KALRN: variants seen among roughly 807,000 people sequenced by gnomAD.
KALRN encodes kalirin RhoGEF kinase.
In KALRN, 70 loss-of-function variants were observed where a neutral mutation model predicts 353.7. The ratio of observed to expected loss-of-function variants is 0.20; its 90% CI spans 0.16 to 0.24. The LOEUF (loss-of-function observed/expected upper bound fraction) is 0.24, where lower values mean the gene tolerates loss of function less well. Among genes scored for constraint, KALRN ranks in the 10% least tolerant of loss-of-function variants. KALRN has a pLI of 1.00. For synonymous variants in KALRN, 1,391 were observed against 1,434.8 expected (o/e 0.97, Z 0.69); for missense variants, 2,791 against 3,756.7 (o/e 0.74, Z 6.72).
chr3:124,285,697 G>A (rs1481251761), intron 5 of KALRN, among the ~76,000 whole-genome samples: 6 of 151,968 alleles, frequency 3.9e-5, no homozygotes, highest in African/African-American at 1.4e-4. Context: ...CACCATGCCT[G>A]GCTAATTTTT....
rs79451799 is a variant in KALRN at position 124,386,575 on chromosome 3, G to A, written c.1962+1539G>A. Among the ~76,000 whole-genome samples the A allele has an allele frequency of 0.011, 1,723 of 152,178 alleles. 58 individuals are homozygous for A. In the East Asian group the frequency reaches 0.12, roughly 11 times the overall value. ...ATTCTGCTGCTAAAGAACCATATGA[G>A]CTTGTGCAAGTCACTATGTCCCTGG... On this transcript the variant is annotated intron_variant, in intron 11 of 59. Transcript: ENST00000682506.
At chr3:124,692,828 A>G (rs894370724) in intron 51 of KALRN, among the ~76,000 whole-genome samples, 13 of 152,262 alleles carry the variant, frequency 8.5e-5, no homozygotes, top group African/African-American at 2.9e-4. Flanking sequence ...TAAACAAAAC[A>G]GATGACCTCA....
intron 1 of KALRN, among the ~76,000 whole-genome samples, chr3:124,131,733 C>T (rs563262328): frequency 1.6e-4 from 25 of 152,258 alleles, no homozygotes; most frequent in Admixed American, 4.6e-4. Context: ...GCCGGGAGGT[C>T]AGCATCACAT....
In KALRN at chr3:124,218,512, A is replaced by G. The variant is rs2077565774; in HGVS notation, c.74-9478A>G. ...CTCTGTTACTTTGAGGACCCATCCA[A>G]CAGCAGTGCTTAAAGTAACAAAAAA... On this transcript the variant is annotated intron_variant, in intron 1 of 59. Coordinates refer to ENST00000682506, the MANE Select transcript of KALRN (RefSeq NM_001388419.1). 2.0e-5 allele frequency among the ~76,000 whole-genome samples: 3 copies of G among 152,338 alleles called. No individual in the cohort carries two copies. The South Asian group carries it at 6.2e-4, about 32-fold the overall frequency.
At chr3:124,204,454 T>G (rs1231749311) in intron 1 of KALRN, among the ~76,000 whole-genome samples, 3 of 152,220 alleles carry the variant, frequency 2.0e-5, no homozygotes, top group African/African-American at 4.8e-5. Flanking sequence ...GTGTTTACTT[T>G]AAAAGAAAAA....
chr3:124,601,688 A>G (rs2076820523), intron 34 of KALRN, among the ~76,000 whole-genome samples: 2 of 149,976 alleles, frequency 1.3e-5, no homozygotes, highest in Admixed American at 6.7e-5. Flanking sequence ...TTTAGTTTCT[A>G]CCATTATCTG....
At chr3:124,138,701 A>C (rs2066247658) in intron 1 of KALRN, among the ~76,000 whole-genome samples, 1 of 152,154 alleles carries the variant, frequency 6.6e-6, no homozygotes, top group African/African-American at 2.4e-5. Flanking sequence ...TTCATAGATC[A>C]GTCATCAGCA....
chr3:124,112,879 GTATCTACATGTACT>G (rs1405320533), intron 1 of KALRN, among the ~76,000 whole-genome samples: 2 of 152,046 alleles, frequency 1.3e-5, no homozygotes, highest in East Asian at 1.9e-4. Context: ...AATTGAAAGT[GTATCTACATGTACT>G]TGTAGATATA....
chr3:124,088,574 C>G (rs2060944566), intron 1 of KALRN, among the ~76,000 whole-genome samples: 1 of 152,146 alleles, frequency 6.6e-6, no homozygotes, highest in Non-Finnish European at 1.5e-5. Flanking sequence ...GAAGTATCCA[C>G]TATGTATTAA....
intron 34 of KALRN, among the ~76,000 whole-genome samples, chr3:124,575,878 A>G (rs2074039454): frequency 6.6e-6 from 1 of 152,124 alleles, no homozygotes; most frequent in Non-Finnish European, 1.5e-5. Context: ...ACAGAATCAC[A>G]TTTGCACAGT....
chr3:124,631,263 A>G (rs1208187702), intron 34 of KALRN, among the ~76,000 whole-genome samples: 2 of 151,904 alleles, frequency 1.3e-5, no homozygotes, highest in South Asian at 2.1e-4. Context: ...ATGGCTTCCA[A>G]CCCCATCTCT....
intron 5 of KALRN, among the ~76,000 whole-genome samples, chr3:124,277,651 A>C (rs2074892276): frequency 6.6e-6 from 1 of 151,956 alleles, no homozygotes; most frequent in South Asian, 2.1e-4. Flanking sequence ...TTTCAGCCCC[A>C]TTTGTATCCT....
chr3:124,671,648 C>A lies in KALRN; in HGVS notation c.6704-12C>A. On this transcript the variant is annotated splice_polypyrimidine_tract_variant and intron_variant, in intron 47 of 59. Coordinates refer to ENST00000682506, the MANE Select transcript of KALRN (RefSeq NM_001388419.1). Reference sequence around the variant, plus strand: ...CCAAAGCTTAGAGTAACCACCTGCTCTTATCCCACAGCACTGCAATCGCCC... The same window carrying A: ...CCAAAGCTTAGAGTAACCACCTGCTATTATCCCACAGCACTGCAATCGCCC... The A allele has an allele frequency of 6.3e-7, 1 of 1,594,962 alleles. No individual in the cohort carries two copies.
At chr3:124,116,034 A>G (rs1490859145) in intron 1 of KALRN, among the ~76,000 whole-genome samples, 1 of 152,248 alleles carries the variant, frequency 6.6e-6, no homozygotes, top group African/African-American at 2.4e-5. Context: ...GTGCATATTT[A>G]TCTTACAGTG....
rs140843677 is a variant in KALRN at position 124,122,157 on chromosome 3, T to A, written c.73+88344T>A. Among the ~76,000 whole-genome samples, 4 of 152,258 alleles carry A rather than the reference T, an allele frequency of 2.6e-5. No homozygotes were observed. The East Asian group carries it at 7.7e-4, about 29-fold the overall frequency. On this transcript the variant is annotated intron_variant, in intron 1 of 59. Coordinates refer to ENST00000682506, the MANE Select transcript of KALRN (RefSeq NM_001388419.1). ...TGGTGCTAAAGAGAAAGAGAAAAAA[T>A]TCCTGGCTGTCATGGAAGATAGTTG...
At chr3:124,079,928 A>G (rs571578373) in intron 1 of KALRN, 17 of 356,806 alleles carry the variant, frequency 4.8e-5, no homozygotes, top group African/African-American at 3.6e-4. Context: ...TTGTTTCCCC[A>G]TAATCTTTTT....
chr3:124,674,620 T>G lies in KALRN; in HGVS notation c.7193+6T>G. ...AGTAGTGACGGGAGCATCAAGTAAGTGCCTCGTTGGCTTCCCCGGGAGAGG... is the reference window on the plus strand; with the variant it reads ...AGTAGTGACGGGAGCATCAAGTAAGGGCCTCGTTGGCTTCCCCGGGAGAGG... On this transcript the variant is annotated splice_donor_region_variant and intron_variant, in intron 49 of 59. Transcript: ENST00000682506. 6.4e-7 allele frequency: 1 copy of G among 1,572,478 alleles called. No individual in the cohort carries two copies. The highest frequency in any genetic ancestry group is 8.6e-7 in the Non-Finnish European group (1 of 1,156,430).
chr3:124,214,480 G>A (rs553521197), intron 1 of KALRN, among the ~76,000 whole-genome samples: 1 of 152,212 alleles, frequency 6.6e-6, no homozygotes, highest in Non-Finnish European at 1.5e-5. Flanking sequence ...ATTTATCCAT[G>A]GACAAGACAA....
rs1478997647 is a variant in KALRN, at chr3:124,463,721, A to C, written c.4031+1088A>C. Among the ~76,000 whole-genome samples the C allele has an allele frequency of 3.9e-5, 6 of 152,162 alleles. No individual in the cohort carries two copies. The East Asian group carries it at 1.2e-3, about 29-fold the overall frequency. ...TAAGAATGACCAAGAGGCAAGCAAG[A>C]ATTGGGTGTAAAATGATCCTGGGCT... On this transcript the variant is annotated intron_variant, in intron 25 of 59. Transcript: ENST00000682506.
Sources: allele counts gnomAD v4.1 joint callset (sites outside exome capture counted in the v4.1 genomes callset), GRCh38; gene constraint gnomAD v4.1.1; transcripts MANE v1.5; gene names NCBI Gene and HGNC (gene_info 2026-07-23, HGNC 2026-07-21).